Variants in SGSM2 observed in about 807,000 individuals in gnomAD.
The protein encoded by SGSM2 is RUN and TBC1 domain containing 1.
Under a neutral mutation model 126.6 loss-of-function variants are expected in SGSM2, and 89 were observed. That is an observed-to-expected ratio of 0.70 (90% CI 0.59 to 0.84). The LOEUF (loss-of-function observed/expected upper bound fraction) is 0.84, where lower values mean the gene tolerates loss of function less well. Ranked by LOEUF, SGSM2 falls within the 40% of genes least tolerant of loss-of-function variation. The pLI, the probability that SGSM2 is intolerant of heterozygous loss-of-function variation, is 0.00. For synonymous variants in SGSM2, 614 were observed against 574.3 expected, an observed-to-expected ratio of 1.07 and a Z score of -0.99; for missense variants, 1,404 against 1,416.6, an observed-to-expected ratio of 0.99 and a Z score of 0.14.
In SGSM2 at chr17:2,367,364, T is replaced by G. The variant is rs752271889; in HGVS notation, c.1382T>G (p.Met461Arg). Residue 461 changes from methionine to arginine, a missense_variant, in exon 12 of 24, where the codon ATG becomes AGG. Met to Arg is a moderately conservative substitution (Grantham distance 91). Transcript: ENST00000268989. This position sits in a 1 kb window ranked among gnomAD's most constrained non-coding sequence, Gnocchi z 4.0. ...GATAAACTGCACGCGATGCTCTCAA[T>G]GATCTGCTCGCGGAACCTCACAGCT... is the stretch of plus-strand genomic sequence containing the variant. ...EEDKLHAMLSMICSRNLTAPN... is the reference protein window; with the variant it reads ...EEDKLHAMLSRICSRNLTAPN... The G allele has an allele frequency of 6.2e-7, 1 of 1,614,192 alleles. No individual in the cohort carries two copies. Among genetic ancestry groups the G allele is most frequent in the Non-Finnish European group, 8.5e-7 (1 of 1,180,024 alleles).
rs759973600 is a variant in SGSM2 at position 2,367,856 on chromosome 17, C to G, written c.1423+451C>G. Among the ~76,000 whole-genome samples, 6 of 152,180 alleles carry G rather than the reference C, an allele frequency of 3.9e-5. No homozygotes were observed. Among genetic ancestry groups the G allele is most frequent in the African/African-American group, 1.4e-4 (6 of 41,440 alleles). ...TACCGGGTCCTTCCTGGGGCAGGGG[C>G]AGCAGCTGTGGGTCAGGCGAGGGGT... On this transcript the variant is annotated intron_variant, in intron 12 of 23. Transcript: ENST00000268989. This position sits in a 1 kb window ranked among gnomAD's most constrained non-coding sequence, Gnocchi z 4.0.
chr17:2,354,712 C>T (rs2065018119), intron 2 of SGSM2, among the ~76,000 whole-genome samples: 1 of 152,240 alleles, frequency 6.6e-6, no homozygotes, highest in Non-Finnish European at 1.5e-5. Context: ...GTTGCAGCAT[C>T]TTGCCTACCT....
chr17:2,365,384 C>G, intron 11 of SGSM2, 43 bp downstream of exon 11: 1 of 1,497,110 alleles, frequency 6.7e-7, no homozygotes, highest in Non-Finnish European at 9.0e-7. Flanking sequence ...GAGGAAGACG[C>G]TCTGGGAGGC....
intron 18 of SGSM2, 78 bp downstream of exon 18, chr17:2,375,953 G>T (rs2066124119): frequency 6.6e-7 from 1 of 1,511,672 alleles, no homozygotes; most frequent in Non-Finnish European, 8.8e-7. Context: ...AAGCGCTGGT[G>T]GGGTGGAAGG....
intron 1 of SGSM2, among the ~76,000 whole-genome samples, chr17:2,342,847 T>G (rs1249194538): frequency 1.3e-5 from 2 of 151,726 alleles, no homozygotes; most frequent in Non-Finnish European, 2.9e-5. Flanking sequence ...CGTGGTGGCA[T>G]GCACCTGTTG....
chr17:2,380,581 G>T lies in SGSM2; in HGVS notation c.*1061G>T. ...GCCTAGGAACCCAGAAACCCCCTTG[G>T]AGGAGCTGTGTATGCGGGGGTGCCA... is the stretch of plus-strand genomic sequence containing the variant. On this transcript the variant is annotated 3_prime_UTR_variant, in exon 24 of 24. Transcript: ENST00000268989. The T allele has an allele frequency of 1.9e-6, 1 of 522,742 alleles. No individual in the cohort carries two copies. Among genetic ancestry groups the T allele is most frequent in the Non-Finnish European group, 3.5e-6 (1 of 288,396 alleles). 32.4% of individuals were successfully genotyped at this position (522,742 alleles called of 1,614,324 possible). A position where few individuals can be genotyped will look rare whatever the true frequency, so the allele number is the denominator to read the frequency against.
rs1303380704 is a variant in SGSM2, at chr17:2,380,311, G to A, written c.*791G>A. 101 of 1,535,662 alleles carry A rather than the reference G, an allele frequency of 6.6e-5. No homozygotes were observed. The highest frequency in any genetic ancestry group is 8.6e-5 in the Non-Finnish European group (99 of 1,146,778). Reference sequence around the variant, plus strand: ...GTAAGAAGTGATGCTTTTGCCAGTGGATGATCTGGAATGCGACCGGAGCAC... The same window carrying A: ...GTAAGAAGTGATGCTTTTGCCAGTGAATGATCTGGAATGCGACCGGAGCAC... On this transcript the variant is annotated 3_prime_UTR_variant, in exon 24 of 24. Transcript: ENST00000268989.
chr17:2,380,124 T>C lies in SGSM2; in HGVS notation c.*604T>C. 4.3e-6 allele frequency: 6 copies of C among 1,396,210 alleles called. No homozygotes were observed. Among genetic ancestry groups the C allele is most frequent in the Non-Finnish European group, 4.6e-6 (5 of 1,076,420 alleles). 86.5% of individuals were successfully genotyped at this position (1,396,210 alleles called of 1,614,324 possible). A position where few individuals can be genotyped will look rare whatever the true frequency, so the allele number is the denominator to read the frequency against. ...GCAGTCGGAAGATGTGGGCCCTGGG[T>C]GGGAGCAGCCCACTTCAGCAGCACT... On this transcript the variant is annotated 3_prime_UTR_variant, in exon 24 of 24. Coordinates refer to ENST00000268989, the MANE Select transcript of SGSM2 (RefSeq NM_014853.3).
intron 1 of SGSM2, among the ~76,000 whole-genome samples, chr17:2,341,385 A>G (rs995185639): frequency 6.6e-6 from 1 of 152,194 alleles, no homozygotes; most frequent in African/African-American, 2.4e-5. Flanking sequence ...CCAGCCGTCT[A>G]GGAAGCTTTT....
chr17:2,344,390 G>A (rs978934769), intron 2 of SGSM2, among the ~76,000 whole-genome samples: 7 of 152,176 alleles, frequency 4.6e-5, no homozygotes, highest in African/African-American at 1.7e-4. Context: ...CACCTTCTCT[G>A]TGTTGTATTC....
chr17:2,359,290 A>G (rs2065215041), intron 2 of SGSM2, among the ~76,000 whole-genome samples: 1 of 151,770 alleles, frequency 6.6e-6, no homozygotes, highest in Admixed American at 6.6e-5. Context: ...GCACGCGATA[A>G]CATATTCATC....
chr17:2,378,901 G>A lies in SGSM2; in HGVS notation c.2900-135G>A, dbSNP rs887233326. Reference sequence around the variant, plus strand: ...TTAGAGGCCTGTGAGCAGCCAGTCCGGCCAGCATCAGCCCCAGCCCCAGCC... The same window carrying A: ...TTAGAGGCCTGTGAGCAGCCAGTCCAGCCAGCATCAGCCCCAGCCCCAGCC... On this transcript the variant is annotated intron_variant, in intron 22 of 23. Transcript: ENST00000268989. 23 of 1,067,698 alleles carry A rather than the reference G, an allele frequency of 2.2e-5. No homozygotes were observed. In the Admixed American group the frequency reaches 2.7e-4, roughly 13 times the overall value. 66.1% of individuals were successfully genotyped at this position (1,067,698 alleles called of 1,614,324 possible).
At position 2,379,869 on chromosome 17, in the gene SGSM2, T is replaced by A; in HGVS notation, c.*349T>A. ...GAGTGAACCTGGGGCCCCACAGGAT[T>A]AACAGGGGCTATAGCGGCCTGGGCC... On this transcript the variant is annotated 3_prime_UTR_variant, in exon 24 of 24. Coordinates refer to ENST00000268989, the MANE Select transcript of SGSM2 (RefSeq NM_014853.3). 1 of 1,298,890 alleles carries A rather than the reference T, an allele frequency of 7.7e-7. No homozygotes were observed. The highest frequency in any genetic ancestry group is 9.8e-7 in the Non-Finnish European group (1 of 1,017,274). 80.5% of individuals were successfully genotyped at this position (1,298,890 alleles called of 1,614,324 possible).
chr17:2,340,794 C>CTT (rs1555589464), intron 1 of SGSM2, among the ~76,000 whole-genome samples: 44 of 152,176 alleles, frequency 2.9e-4, no homozygotes, highest in Non-Finnish European at 5.4e-4. Context: ...CCATGTTAGC[C>CTT]AGGATGGTCT....
In SGSM2 at chr17:2,371,988, G is replaced by T. The variant is rs2065892688; in HGVS notation, c.1578-202G>T. On this transcript the variant is annotated intron_variant, in intron 13 of 23. Transcript: ENST00000268989. ...GACCAAGATCCCTGGGTGGTTGGGG[G>T]CCAGGCGGGGGCCCCACAGCACTCT... The T allele has an allele frequency of 6.8e-6, 4 of 586,388 alleles. No individual in the cohort carries two copies. The East Asian group carries it at 1.2e-4, about 17-fold the overall frequency. 36.3% of individuals were successfully genotyped at this position (586,388 alleles called of 1,614,324 possible).
Position 2,379,100 on chromosome 17 carries a change from G to A in SGSM2, c.2964G>A (p.Ser988=), listed in dbSNP as rs777855645. Residue 988 remains serine (S), a synonymous_variant, in exon 23 of 24, where the codon TCG becomes TCA. Transcript: ENST00000268989. The part of the protein sequence containing the change: ...EVIWAARHIS[S]EHFVLFIALA... ...TCTGGGCAGCCAGGCACATCTCATC[G>A]GAGCACTTTGTCCTGTTCATCGCCC... The A allele has an allele frequency of 1.7e-5, 28 of 1,614,084 alleles. No individual in the cohort carries two copies. Among genetic ancestry groups the A allele is most frequent in the Admixed American group, 3.3e-5 (2 of 60,004 alleles).
intron 12 of SGSM2, among the ~76,000 whole-genome samples, chr17:2,368,316 C>A (rs946318164): frequency 1.3e-5 from 2 of 152,184 alleles, no homozygotes; most frequent in African/African-American, 2.4e-5. Context: ...AGCCAGGCGA[C>A]CTGTGAGGGC....
chr17:2,369,951 G>A (rs1226380247), intron 12 of SGSM2, among the ~76,000 whole-genome samples: 1 of 152,186 alleles, frequency 6.6e-6, no homozygotes, highest in Non-Finnish European at 1.5e-5. Context: ...GAGCTGAAGG[G>A]CCAGATATCT....
chr17:2,379,532 G>A lies in SGSM2; in HGVS notation c.*12G>A. 1.9e-6 allele frequency: 3 copies of A among 1,608,656 alleles called. No homozygotes were observed. The highest frequency in any genetic ancestry group is 2.6e-6 in the Non-Finnish European group (3 of 1,176,226). ...TAGAGAACAAGTGAGCTGGGGCCAG[G>A]AGGCAGCAGCCGTGCAGAGCCTGGG... On this transcript the variant is annotated 3_prime_UTR_variant, in exon 24 of 24. Transcript: ENST00000268989.
Sources: allele counts gnomAD v4.1 joint callset (sites outside exome capture counted in the v4.1 genomes callset), GRCh38; gene constraint gnomAD v4.1.1; non-coding constraint Gnocchi (gnomAD v3.1); transcripts MANE v1.5; gene names NCBI Gene and HGNC (gene_info 2026-07-23, HGNC 2026-07-21).